Variants in CACNA1H observed in about 807,000 individuals in gnomAD.
CACNA1H encodes calcium voltage-gated channel subunit alpha1 H.
Under a neutral mutation model 192.5 loss-of-function variants are expected in CACNA1H, and 149 were observed. The ratio of observed to expected loss-of-function variants is 0.77; its 90% CI spans 0.68 to 0.89. The LOEUF is 0.89. Ranked by LOEUF, CACNA1H falls within the 40% of genes least tolerant of loss-of-function variation. The pLI is 0.00. For missense variants in CACNA1H, 4,257 were observed against 3,423.5 expected (o/e 1.24, Z -6.08); for synonymous variants, 2,202 against 1,475.2 (o/e 1.49, Z -11.29).
intron 2 of CACNA1H, among the ~76,000 whole-genome samples, chr16:1,155,003 G>A (rs1164721152): frequency 6.6e-6 from 1 of 152,188 alleles, no homozygotes; most frequent in Non-Finnish European, 1.5e-5. Context: ...CGGGTGGAGA[G>A]ACCCTGCCCG....
chr16:1,181,844 C>A (rs1276596315), intron 2 of CACNA1H, among the ~76,000 whole-genome samples: 2 of 152,118 alleles, frequency 1.3e-5, no homozygotes, highest in African/African-American at 4.8e-5. Context: ...CACACAGCTA[C>A]ACACACATCA....
chr16:1,220,283 C>T lies in CACNA1H; in HGVS notation c.6351C>T (p.Pro2117=), dbSNP rs773114154. The change falls in exon 35 of 35, where the codon CCC becomes CCT. Residue 2117 remains proline (P), a synonymous_variant. Transcript: ENST00000348261. ...GCCCCTGGCAGCCCACAGCCGAGCC[C>T]CATGGCCCCGAAGCCTCTCCGGTGG... ...SACPWQPTAE[P]HGPEASPVAG... is the part of the protein sequence containing the mutation. 6.3e-7 allele frequency: 1 copy of T among 1,584,974 alleles called. No homozygotes were observed. The highest frequency in any genetic ancestry group is 8.5e-7 in the Non-Finnish European group (1 of 1,171,892).
At position 1,190,883 on chromosome 16, in the gene CACNA1H, C is replaced by T. The variant is rs867028539; in HGVS notation, c.300-4089C>T. On this transcript the variant is annotated intron_variant, in intron 2 of 34. Transcript: ENST00000348261. The stretch of plus-strand genomic sequence containing the variant: ...CAGGCACACTCGGGGTCTCTCTGAC[C>T]CAGCAGGCTGGCCTGGCTGTGTGGC... Among the ~76,000 whole-genome samples the T allele has an allele frequency of 8.9e-3, 1,114 of 125,448 alleles. 2 individuals carry two copies. The highest frequency in any genetic ancestry group is 0.042 in the Middle Eastern group (6 of 142). The allele number at this position is 125,448 out of a possible 152,430, so 82.3% of individuals were successfully genotyped here. A position where few individuals can be genotyped will look rare whatever the true frequency, so the allele number is the denominator to read the frequency against.
rs1352642803 is a variant in CACNA1H, at chr16:1,193,312, C to T, written c.300-1660C>T. On this transcript the variant is annotated intron_variant, in intron 2 of 34. Transcript: ENST00000348261. ...CCGAGGCTGGGGGCGGAGCCGCCAT[C>T]CACCATCGCTCCCTTGCACTAGTGC... Among the ~76,000 whole-genome samples, 3 of 152,382 alleles carry T rather than the reference C, an allele frequency of 2.0e-5. No homozygotes were observed. The East Asian group carries it at 5.8e-4, about 29-fold the overall frequency.
intron 9 of CACNA1H, among the ~76,000 whole-genome samples, chr16:1,202,916 C>G (rs927650944): frequency 6.6e-6 from 1 of 151,988 alleles, no homozygotes; most frequent in Non-Finnish European, 1.5e-5. Flanking sequence ...CACCGAGAGT[C>G]AGGAAGAGAG....
At chr16:1,154,528 G>C (rs1041183941) in intron 2 of CACNA1H, among the ~76,000 whole-genome samples, 8 of 152,212 alleles carry the variant, frequency 5.3e-5, no homozygotes, top group Non-Finnish European at 8.8e-5. Context: ...TGCGTGGGGA[G>C]ACCCGTGGGG....
chr16:1,166,553 C>G (rs960329282), intron 2 of CACNA1H, among the ~76,000 whole-genome samples: 1 of 152,190 alleles, frequency 6.6e-6, no homozygotes, highest in African/African-American at 2.4e-5. Context: ...GGTGGTGCAG[C>G]CCCAGCAGCG....
At position 1,205,236 on chromosome 16, in the gene CACNA1H, C is replaced by T. The variant is rs1481405103; in HGVS notation, c.2574C>T (p.Asn858=). The T allele has an allele frequency of 3.1e-6, 5 of 1,610,370 alleles. No individual in the cohort carries two copies. Among genetic ancestry groups the T allele is most frequent in the East Asian group, 2.2e-5 (1 of 44,806 alleles). Residue 858 remains asparagine, a synonymous_variant, in exon 11 of 35, where the codon AAC becomes AAT. Transcript: ENST00000348261. ...TGGGCTACATCCGGAACCCGTACAA[C>T]ATCTTCGACGGCATCATCGTGGTCA... ...GPLGYIRNPY[N]IFDGIIVVIS... is the part of the protein sequence containing the mutation.
rs773312766 is a variant in CACNA1H, at chr16:1,195,981, G to A, written c.601G>A (p.Val201Met). ...CGTGAGCCTCTCGGCTATCAGGACC[G>A]TGCGGGTGCTGCGGCCCCTCCGCGC... ...HNVSLSAIRTVRVLRPLRAIN... is the reference protein window; with the variant it reads ...HNVSLSAIRTMRVLRPLRAIN... The change falls in exon 5 of 35, where the codon GTG becomes ATG. Residue 201 changes from valine (V) to methionine (M), a missense_variant. Transcript: ENST00000348261. 13 of 1,612,950 alleles carry A rather than the reference G, an allele frequency of 8.1e-6. No individual in the cohort carries two copies. The highest frequency in any genetic ancestry group is 2.2e-5 in the East Asian group (1 of 44,894).
chr16:1,221,348 G>A lies in CACNA1H; in HGVS notation c.*354G>A, dbSNP rs8049082. 0.06 allele frequency: 20,325 copies of A among 339,188 alleles called. 783 individuals carry two copies. The highest frequency in any genetic ancestry group is 0.13 in the African/African-American group (5,999 of 46,986). 21.0% of individuals were successfully genotyped at this position (339,188 alleles called of 1,614,324 possible). ...CAGGTTGCGTCCTTTCAGGCCCCGC[G>A]TTGTTACAGGACACTCGCTGGGGGC... On this transcript the variant is annotated 3_prime_UTR_variant, in exon 35 of 35. Transcript: ENST00000348261.
chr16:1,161,320 C>T (rs1203043715), intron 2 of CACNA1H, among the ~76,000 whole-genome samples: 2 of 152,192 alleles, frequency 1.3e-5, no homozygotes, highest in Non-Finnish European at 2.9e-5. Flanking sequence ...GGCAAGCCCT[C>T]GCCTCTGTTG....
intron 2 of CACNA1H, among the ~76,000 whole-genome samples, chr16:1,190,235 T>C (rs1966478960): frequency 6.6e-6 from 1 of 152,238 alleles, no homozygotes. Flanking sequence ...TTGGCCTGCT[T>C]CTCCGACCCG....
intron 2 of CACNA1H, among the ~76,000 whole-genome samples, chr16:1,187,857 C>T (rs183246517): frequency 1.3e-5 from 2 of 152,342 alleles, no homozygotes; most frequent in African/African-American, 4.8e-5. Context: ...GAGGGGCACA[C>T]AGCCCCGCCT....
At chr16:1,207,898 T>G (rs1374735666) in intron 15 of CACNA1H, 38 bp downstream of exon 15, 73 of 1,550,040 alleles carry the variant, frequency 4.7e-5, no homozygotes, top group Non-Finnish European at 6.2e-5. Context: ...TTCTGGCGGG[T>G]GGAGTACGCT....
rs554095993 is a variant in CACNA1H, at chr16:1,189,944, C to G, written c.300-5028C>G. 4.1e-4 allele frequency among the ~76,000 whole-genome samples: 63 copies of G among 152,348 alleles called. 1 individual carries two copies. Among genetic ancestry groups the G allele is most frequent in the Non-Finnish European group, 5.9e-4 (40 of 68,032 alleles). On this transcript the variant is annotated intron_variant, in intron 2 of 34. Transcript: ENST00000348261. ...TGTCATCCAGGCCAGACTCCAGGGG[C>G]TGGAGAAGGACAATGTGGTCCCCAC...
intron 2 of CACNA1H, among the ~76,000 whole-genome samples, chr16:1,162,466 G>T (rs947332724): frequency 2.0e-5 from 3 of 152,136 alleles, no homozygotes; most frequent in African/African-American, 7.2e-5. Context: ...GCGATTGGTC[G>T]CCCACTGTTG....
Position 1,207,654 on chromosome 16 carries a change from C to T in CACNA1H, c.3064-116C>T, listed in dbSNP as rs566913428. On this transcript the variant is annotated intron_variant, in intron 14 of 34. Coordinates refer to ENST00000348261, the MANE Select transcript of CACNA1H (RefSeq NM_021098.3). ...CTGCCCACCCTGGCAGTGACATCATCCTCTGGGCCCTTCTGTCCACACCCC... is the reference window on the plus strand; with the variant it reads ...CTGCCCACCCTGGCAGTGACATCATTCTCTGGGCCCTTCTGTCCACACCCC... The T allele has an allele frequency of 1.9e-4, 188 of 1,006,190 alleles. 1 individual carries two copies. The African/African-American group carries it at 2.4e-3, about 13-fold the overall frequency. The allele number at this position is 1,006,190 out of a possible 1,614,324, so 62.3% of individuals were successfully genotyped here. A position where few individuals can be genotyped will look rare whatever the true frequency, so the allele number is the denominator to read the frequency against.
intron 5 of CACNA1H, 143 bp from the exon 6 acceptor site, chr16:1,198,472 G>A (rs576768362): frequency 2.4e-6 from 2 of 828,056 alleles, no homozygotes; most frequent in South Asian, 3.2e-5. Flanking sequence ...AAAATCACCA[G>A]GGGGTGGCCC....
intron 1 of CACNA1H, 111 bp from the exon 2 acceptor site, chr16:1,153,609 A>T: frequency 3.4e-6 from 2 of 594,528 alleles, no homozygotes; most frequent in Non-Finnish European, 4.6e-6. Context: ...TGTCTCTAAT[A>T]AGAAAAGACA....
Sources: allele counts gnomAD v4.1 joint callset (sites outside exome capture counted in the v4.1 genomes callset), GRCh38; gene constraint gnomAD v4.1.1; transcripts MANE v1.5; gene names NCBI Gene and HGNC (gene_info 2026-07-23, HGNC 2026-07-21).